Variants in NTM observed in about 807,000 individuals in gnomAD.
NTM encodes the protein neurotrimin.
In NTM, 13 loss-of-function variants were observed where a neutral mutation model predicts 42.1. That is an observed-to-expected ratio of 0.31 (90% CI 0.20 to 0.49). The LOEUF is 0.49. Ranked by LOEUF, NTM falls within the 20% of genes least tolerant of loss-of-function variation. The pLI, the probability that NTM is intolerant of heterozygous loss-of-function variation, is 0.99. For synonymous variants in NTM, 187 were observed against 179.2 expected (o/e 1.04, Z -0.35); for missense variants, 373 against 452.8 (o/e 0.82, Z 1.60).
chr11:131,839,204 C>T (rs55945101), intron 1 of NTM, among the ~76,000 whole-genome samples: 28,571 of 151,996 alleles, frequency 0.19, 4,083 homozygotes, highest in African/African-American at 0.4. Flanking sequence ...TCAGGTGATC[C>T]GCCCGCCTCG....
chr11:131,905,348 G>A (rs549743673), intron 1 of NTM, among the ~76,000 whole-genome samples: 4 of 152,154 alleles, frequency 2.6e-5, no homozygotes, highest in Non-Finnish European at 4.4e-5. Context: ...ACACAATGTC[G>A]ATGGCATTAG....
At chr11:131,666,897 T>A (rs2069156494) in intron 1 of NTM, among the ~76,000 whole-genome samples, 1 of 152,198 alleles carries the variant, frequency 6.6e-6, no homozygotes, top group South Asian at 2.1e-4. Flanking sequence ...GATCTGTGGC[T>A]GGGTGAGTAA....
At chr11:131,763,300 A>G (rs1376677789) in intron 1 of NTM, among the ~76,000 whole-genome samples, 2 of 152,216 alleles carry the variant, frequency 1.3e-5, no homozygotes, top group African/African-American at 2.4e-5. Context: ...CCAACCAAAG[A>G]AATGTGGTGA....
At chr11:132,179,414 C>T (rs2077243420) in intron 3 of NTM, among the ~76,000 whole-genome samples, 1 of 152,042 alleles carries the variant, frequency 6.6e-6, no homozygotes, top group African/African-American at 2.4e-5. Flanking sequence ...GGCAAAGGCT[C>T]TGGTGTACGT....
At chr11:132,020,988 G>A (rs1040278943) in intron 2 of NTM, among the ~76,000 whole-genome samples, 5 of 151,764 alleles carry the variant, frequency 3.3e-5, no homozygotes, top group Admixed American at 2.0e-4. Flanking sequence ...TGTATTTTTT[G>A]CTTCCTCTTT....
intron 1 of NTM, among the ~76,000 whole-genome samples, chr11:131,803,303 T>G (rs1591968062): frequency 8.0e-6 from 1 of 125,254 alleles, no homozygotes; most frequent in East Asian, 2.0e-4. Flanking sequence ...TGGGAGTGGG[T>G]TTTTTTTTTT....
chr11:131,448,036 C>G (rs935650411), intron 1 of NTM, among the ~76,000 whole-genome samples: 2 of 152,232 alleles, frequency 1.3e-5, no homozygotes, highest in African/African-American at 2.4e-5. Flanking sequence ...GAGGGTTGCA[C>G]CCCCACCCTG....
intron 1 of NTM, among the ~76,000 whole-genome samples, chr11:131,471,501 T>C (rs1416032823): frequency 6.6e-6 from 1 of 152,208 alleles, no homozygotes; most frequent in African/African-American, 2.4e-5. Flanking sequence ...GTGAGTGTTT[T>C]AAGAGTGTGT....
At chr11:132,008,014 C>T (rs761248809) in intron 2 of NTM, among the ~76,000 whole-genome samples, 30 of 152,060 alleles carry the variant, frequency 2.0e-4, no homozygotes, top group Non-Finnish European at 2.6e-4. Flanking sequence ...GGCGTTGCTT[C>T]GATTTTAGAA....
At position 131,855,901 on chromosome 11, in the gene NTM, C is replaced by T. The variant is rs1565634291; in HGVS notation, c.83-55663C>T. ...CCTCAATAGCTAGCTTAGTGTCTGA[C>T]ACACGTCAGATATTTATGAAATATT... On this transcript the variant is annotated intron_variant, in intron 1 of 8. Coordinates refer to ENST00000683400, the MANE Select transcript of NTM (RefSeq NM_001352005.2). 2.0e-5 allele frequency among the ~76,000 whole-genome samples: 3 copies of T among 152,302 alleles called. No individual in the cohort carries two copies. The East Asian group carries it at 5.8e-4, about 29-fold the overall frequency.
intron 1 of NTM, among the ~76,000 whole-genome samples, chr11:131,684,446 C>T (rs1423120799): frequency 6.6e-6 from 1 of 152,246 alleles, no homozygotes; most frequent in East Asian, 1.9e-4. Context: ...TCTCAACAGC[C>T]TCTGAGCTGC....
At chr11:131,509,961 G>A (rs1037829557) in intron 1 of NTM, among the ~76,000 whole-genome samples, 2 of 152,128 alleles carry the variant, frequency 1.3e-5, no homozygotes, top group Non-Finnish European at 2.9e-5. Context: ...TGAGCAGAAG[G>A]ATTAGAAAAG....
At chr11:131,954,502 G>A (rs1392539200) in intron 2 of NTM, among the ~76,000 whole-genome samples, 1 of 152,218 alleles carries the variant, frequency 6.6e-6, no homozygotes, top group Non-Finnish European at 1.5e-5. Flanking sequence ...CAGGGCTCCC[G>A]ATGATACAGC....
intron 3 of NTM, among the ~76,000 whole-genome samples, chr11:132,153,912 T>C (rs2072556403): frequency 6.6e-6 from 1 of 152,162 alleles, no homozygotes; most frequent in South Asian, 2.1e-4. Flanking sequence ...GTAATTGAAT[T>C]TACCTGCAAG....
intron 1 of NTM, among the ~76,000 whole-genome samples, chr11:131,526,793 A>G (rs2050544523): frequency 6.6e-6 from 1 of 152,218 alleles, no homozygotes; most frequent in African/African-American, 2.4e-5. Context: ...TTTGATTTGA[A>G]TCAGGGGCTG....
intron 1 of NTM, among the ~76,000 whole-genome samples, chr11:131,514,707 T>C (rs1340262721): frequency 6.6e-6 from 1 of 151,952 alleles, no homozygotes; most frequent in Non-Finnish European, 1.5e-5. Context: ...GCCTCCCAAG[T>C]AGCTGAGACT....
intron 1 of NTM, among the ~76,000 whole-genome samples, chr11:131,463,312 C>T (rs1050364746): frequency 1.1e-4 from 16 of 152,196 alleles, no homozygotes; most frequent in African/African-American, 3.6e-4. Context: ...AGCAGGGGCA[C>T]GTGCATCACC....
chr11:132,135,094 C>T (rs1396744756), intron 2 of NTM, among the ~76,000 whole-genome samples: 1 of 152,184 alleles, frequency 6.6e-6, no homozygotes, highest in Non-Finnish European at 1.5e-5. Context: ...CTAAGCCTGG[C>T]TGGATTGTGT....
intron 1 of NTM, among the ~76,000 whole-genome samples, chr11:131,647,740 T>G (rs1439528182): frequency 6.6e-6 from 1 of 152,206 alleles, no homozygotes; most frequent in Non-Finnish European, 1.5e-5. Context: ...TATACCATGC[T>G]GGGTCAAAAT....
Sources: gnomAD v4.1 joint callset for allele counts (sites outside exome capture counted in the v4.1 genomes callset) on GRCh38, gnomAD v4.1.1 for gene constraint, MANE v1.5 for transcripts, NCBI Gene and HGNC (gene_info 2026-07-23, HGNC 2026-07-21) for gene names.